The following FBRSL1 variants were observed in gnomAD, a reference collection of about 807,000 sequenced individuals.
FBRSL1 encodes the protein fibrosin-1-like protein.
Under a neutral mutation model 89.6 loss-of-function variants are expected in FBRSL1, and 51 were observed. The ratio of observed to expected loss-of-function variants is 0.57; its 90% CI spans 0.45 to 0.72. The LOEUF (loss-of-function observed/expected upper bound fraction) is 0.72, where lower values mean the gene tolerates loss of function less well. FBRSL1 is among the 30% of genes least tolerant of loss of function. FBRSL1 has a pLI of 0.00. For missense variants in FBRSL1, 1,618 were observed against 1,451.8 expected (o/e 1.11, Z -1.86); for synonymous variants, 779 against 681.1 (o/e 1.14, Z -2.24).
intron 4 of FBRSL1, among the ~76,000 whole-genome samples, chr12:132,541,190 C>T (rs1203368198): frequency 3.3e-5 from 5 of 152,072 alleles, no homozygotes; most frequent in Non-Finnish European, 5.9e-5. Context: ...CACCCCTACC[C>T]CGAGGCACGT....
intron 5 of FBRSL1, among the ~76,000 whole-genome samples, chr12:132,555,429 T>G (rs1263727994): frequency 7.5e-5 from 10 of 132,998 alleles, no homozygotes; most frequent in African/African-American, 3.0e-4. Flanking sequence ...GAGCATGGCC[T>G]CCACGGTAGC....
At chr12:132,511,715 A>G in intron 2 of FBRSL1, 8 of 985,260 alleles carry the variant, frequency 8.1e-6, no homozygotes, top group Non-Finnish European at 9.6e-6. Flanking sequence ...CTCCCAGGCC[A>G]GGCAGCTGCT....
At chr12:132,527,912 G>T in intron 3 of FBRSL1, 41 bp from the exon 4 acceptor site, 1 of 1,548,880 alleles carries the variant, frequency 6.5e-7, no homozygotes, top group Non-Finnish European at 8.7e-7. Context: ...AGTTTGTTCC[G>T]AGTGGCAGCC....
At chr12:132,571,969 C>T (rs2040048063) in intron 9 of FBRSL1, 1 of 442,476 alleles carries the variant, frequency 2.3e-6, no homozygotes. Flanking sequence ...TGTCAGTAAC[C>T]CGGTGTGTCC....
At chr12:132,518,203 C>T (rs2035016176) in intron 2 of FBRSL1, among the ~76,000 whole-genome samples, 1 of 152,204 alleles carries the variant, frequency 6.6e-6, no homozygotes, top group Non-Finnish European at 1.5e-5. Flanking sequence ...CTCATATCAT[C>T]TGTAGTGTAT....
intron 2 of FBRSL1, among the ~76,000 whole-genome samples, chr12:132,514,442 A>C (rs1353946021): frequency 6.6e-6 from 1 of 152,220 alleles, no homozygotes; most frequent in Non-Finnish European, 1.5e-5. Flanking sequence ...GGCATTGACC[A>C]GGCCGAGGCC....
At chr12:132,557,697 A>G (rs1457365630) in intron 5 of FBRSL1, among the ~76,000 whole-genome samples, 1 of 152,214 alleles carries the variant, frequency 6.6e-6, no homozygotes, top group Non-Finnish European at 1.5e-5. Context: ...GACTGGCCGT[A>G]GCCCAATTGG....
Position 132,527,747 on chromosome 12 carries a change from T to TGCGGGGCAGGGTTGTGGGCTGC in FBRSL1, c.580-205_580-204insCGGGGCAGGGTTGTGGGCTGCG, listed in dbSNP as rs2035919032. 1.2e-4 allele frequency among the ~76,000 whole-genome samples: 10 copies of TGCGGGGCAGGGTTGTGGGCTGC among 83,026 alleles called. No individual in the cohort carries two copies. In the East Asian group the frequency reaches 1.7e-3, roughly 14 times the overall value. The allele number at this position is 83,026 out of a possible 152,430, so 54.5% of individuals were successfully genotyped here. ...GGCTGCGGGGCAGGGTTGAGGGCTGTGGGGCTGTGGGGCAGGGTTGTGGGC... is the reference window on the plus strand; with the variant it reads ...GGCTGCGGGGCAGGGTTGAGGGCTGTGCGGGGCAGGGTTGTGGGCTGCGGGGCTGTGGGGCAGGGTTGTGGGC... On this transcript the variant is annotated intron_variant, in intron 3 of 18. Transcript: ENST00000680143.
chr12:132,572,286 A>G lies in FBRSL1; in HGVS notation c.1378-2A>G. 6.4e-7 allele frequency: 1 copy of G among 1,550,896 alleles called. No individual in the cohort carries two copies. Among genetic ancestry groups the G allele is most frequent in the South Asian group, 1.2e-5 (1 of 84,052 alleles). On this transcript the variant is annotated splice_acceptor_variant, in intron 9 of 18. Coordinates refer to ENST00000680143, the MANE Select transcript of FBRSL1 (RefSeq NM_001367871.1). LOFTEE classifies it high-confidence loss of function. Reference sequence around the variant, plus strand: ...CCTCACCCTCCTCTCCTTCCCTTCCAGTTTGACAAGTATGCGCCCAAGCTG... The same window carrying G: ...CCTCACCCTCCTCTCCTTCCCTTCCGGTTTGACAAGTATGCGCCCAAGCTG...
At chr12:132,511,900 T>A (rs944205211) in intron 2 of FBRSL1, 1 of 984,870 alleles carries the variant, frequency 1.0e-6, no homozygotes, top group Non-Finnish European at 1.2e-6. Context: ...GCGCAGGGCT[T>A]ATTTTTCTGA....
At position 132,500,033 on chromosome 12, in the gene FBRSL1, C is replaced by T. The variant is rs1190365556; in HGVS notation, c.292-8120C>T. Among the ~76,000 whole-genome samples, 3 of 152,258 alleles carry T rather than the reference C, an allele frequency of 2.0e-5. No individual in the cohort carries two copies. The East Asian group carries it at 5.8e-4, about 29-fold the overall frequency. On this transcript the variant is annotated intron_variant, in intron 1 of 18. Transcript: ENST00000680143. ...AGGTCTCCACGCCCGTCTTCCCGGCCCACGTGTGTACCATGTACGTGCACC... is the reference window on the plus strand; with the variant it reads ...AGGTCTCCACGCCCGTCTTCCCGGCTCACGTGTGTACCATGTACGTGCACC...
intron 1 of FBRSL1, among the ~76,000 whole-genome samples, chr12:132,495,158 C>T (rs1037995408): frequency 3.9e-5 from 6 of 152,208 alleles, no homozygotes; most frequent in Admixed American, 1.3e-4. Flanking sequence ...CCAGACACTG[C>T]CCTGCCCTGC....
intron 9 of FBRSL1, chr12:132,571,600 A>T: frequency 1.0e-6 from 1 of 958,680 alleles, no homozygotes; most frequent in South Asian, 2.6e-5. Flanking sequence ...ACACAGACAC[A>T]CGCTCGCACA....
At position 132,583,006 on chromosome 12, in the gene FBRSL1, C is replaced by G. The variant is rs1447250653; in HGVS notation, c.2237C>G (p.Ala746Gly). ...GAGAAGACGCGCCTGCTGAGCCGGG[C>G]CTCGCCCGCCACCCCCGCTGGCCAC... ...LLEKTRLLSR[A>G]SPATPAGHPV... The change falls in exon 19 of 19, where the codon GCC becomes GGC. Residue 746 changes from alanine (A) to glycine (G), a missense_variant. Transcript: ENST00000680143. 4 of 1,455,000 alleles carry G rather than the reference C, an allele frequency of 2.7e-6. No individual in the cohort carries two copies. Among genetic ancestry groups the G allele is most frequent in the East Asian group, 6.0e-5 (2 of 33,100 alleles). 90.1% of individuals were successfully genotyped at this position (1,455,000 alleles called of 1,614,324 possible).
chr12:132,571,956 G>C, intron 9 of FBRSL1: 1 of 415,792 alleles, frequency 2.4e-6, no homozygotes, highest in Non-Finnish European at 4.3e-6. Context: ...AAACTGGCCA[G>C]TTTGTCAGTA....
At chr12:132,562,008 C>T (rs1349924905) in intron 5 of FBRSL1, among the ~76,000 whole-genome samples, 1 of 152,142 alleles carries the variant, frequency 6.6e-6, no homozygotes. Context: ...GCCGCAGTGC[C>T]CCCTGGAGGC....
intron 4 of FBRSL1, among the ~76,000 whole-genome samples, chr12:132,537,416 C>A (rs1025380384): frequency 6.6e-6 from 1 of 152,138 alleles, no homozygotes; most frequent in Non-Finnish European, 1.5e-5. Flanking sequence ...TTGGGCCGAA[C>A]CCAGAGGCAG....
intron 1 of FBRSL1, among the ~76,000 whole-genome samples, chr12:132,494,497 A>C (rs2031654539): frequency 6.6e-6 from 1 of 151,894 alleles, no homozygotes; most frequent in Non-Finnish European, 1.5e-5. Flanking sequence ...TGCACCGCCC[A>C]CTCCCACATG....
chr12:132,494,557 TG>T (rs1399727879), intron 1 of FBRSL1, among the ~76,000 whole-genome samples: 1 of 152,228 alleles, frequency 6.6e-6, no homozygotes, highest in Non-Finnish European at 1.5e-5. Context: ...GGGCTGCGCC[TG>T]GGCCACAGGG....
Sources: allele counts gnomAD v4.1 joint callset (sites outside exome capture counted in the v4.1 genomes callset), GRCh38; gene constraint gnomAD v4.1.1; transcripts MANE v1.5; gene names NCBI Gene and HGNC (gene_info 2026-07-23, HGNC 2026-07-21).